GABRA2: variants seen among roughly 807,000 people sequenced by gnomAD.
GABRA2 encodes the protein gamma-aminobutyric acid type A receptor subunit alpha2, also known as gamma-aminobutyric acid receptor subunit alpha-2.
A neutral mutation model predicts 48.7 loss-of-function variants in GABRA2; 16 were observed. That is an observed-to-expected ratio of 0.33 (90% CI 0.22 to 0.50). GABRA2 has a LOEUF of 0.50. GABRA2 is among the 20% of genes least tolerant of loss of function. The pLI, the probability that GABRA2 is intolerant of heterozygous loss-of-function variation, is 0.98. For synonymous variants in GABRA2, 185 were observed against 184.5 expected, an observed-to-expected ratio of 1.00 and a Z score of -0.02; for missense variants, 275 against 535.6, an observed-to-expected ratio of 0.51 and a Z score of 4.80.
At chr4:46,288,687 T>C (rs918074336) in intron 8 of GABRA2, among the ~76,000 whole-genome samples, 7 of 152,060 alleles carry the variant, frequency 4.6e-5, no homozygotes, top group Admixed American at 1.3e-4. Flanking sequence ...ATAAAAGCAA[T>C]TGCAACAAAA....
intron 4 of GABRA2, among the ~76,000 whole-genome samples, chr4:46,320,554 C>A (rs1360253225): frequency 1.3e-5 from 2 of 151,730 alleles, no homozygotes; most frequent in East Asian, 1.9e-4. Context: ...AGATTAATAT[C>A]CAAAATACAT....
chr4:46,389,034 G>A (rs200783194), intron 1 of GABRA2: 21 of 1,114,428 alleles, frequency 1.9e-5, no homozygotes, highest in East Asian at 1.6e-4. Context: ...ACTGTTTTGC[G>A]CACACGTAAT....
rs146162693 is a variant in GABRA2, at chr4:46,250,733, T to G, written c.1060-129A>C. The G allele has an allele frequency of 7.0e-3, 4,551 of 651,904 alleles. 43 individuals carry two copies. Among genetic ancestry groups the G allele is most frequent in the South Asian group, 0.024 (1,032 of 42,674 alleles). 40.4% of individuals were successfully genotyped at this position (651,904 alleles called of 1,614,324 possible). On this transcript the variant is annotated intron_variant, in intron 9 of 9. Transcript: ENST00000381620. ...ATCATGCATTAGCAAAAAACAGAAA[T>G]TAGGAAAATAAATAAAGGTGTTTAT... is the stretch of plus-strand genomic sequence containing the variant.
intron 4 of GABRA2, among the ~76,000 whole-genome samples, chr4:46,323,289 C>G (rs985247424): frequency 2.0e-5 from 3 of 151,936 alleles, no homozygotes; most frequent in East Asian, 3.9e-4. Context: ...ATTCTAGGCT[C>G]CAGTTATACT....
At chr4:46,278,534 C>T (rs1217347541) in intron 8 of GABRA2, among the ~76,000 whole-genome samples, 1 of 152,080 alleles carries the variant, frequency 6.6e-6, no homozygotes, top group Non-Finnish European at 1.5e-5. Context: ...ATATTGCTTG[C>T]TTCAGATCAT....
At position 46,246,433 on chromosome 4, in the gene GABRA2, A is replaced by G. The variant is rs946891497; in HGVS notation, c.*3875T>C. ...TACAAGTGGTTTTGGTATAGTGTCC[A>G]TGTTTCTCAAGCATGCAGATGTCAA... On this transcript the variant is annotated 3_prime_UTR_variant, in exon 10 of 10. Coordinates refer to ENST00000381620, the MANE Select transcript of GABRA2 (RefSeq NM_000807.4). Among the ~76,000 whole-genome samples the G allele has an allele frequency of 4.0e-5, 6 of 151,138 alleles. No individual in the cohort carries two copies. In the East Asian group the frequency reaches 1.2e-3, roughly 30 times the overall value.
chr4:46,315,964 CAT>C (rs1553913095), intron 4 of GABRA2, among the ~76,000 whole-genome samples: 36 of 150,596 alleles, frequency 2.4e-4, no homozygotes, highest in South Asian at 1.9e-3. Context: ...CACACACACA[CAT>C]ATATATATAG....
intron 8 of GABRA2, among the ~76,000 whole-genome samples, chr4:46,290,128 T>C (rs1723346427): frequency 6.6e-6 from 1 of 150,986 alleles, no homozygotes; most frequent in Admixed American, 6.6e-5. Context: ...ATGGTCTTGA[T>C]CTCCTGACCT....
In GABRA2 at chr4:46,285,767, G is replaced by GTT. The variant is rs574335219; in HGVS notation, c.856+17691_856+17692dup. 1.2e-3 allele frequency among the ~76,000 whole-genome samples: 180 copies of GTT among 149,244 alleles called. 4 individuals are homozygous for GTT. The South Asian group carries it at 0.036, about 30-fold the overall frequency. On this transcript the variant is annotated intron_variant, in intron 8 of 9. Transcript: ENST00000381620. ...TGTGCTCTGAAAATCATGAAATCTT[G>GTT]TTTTTTTTTAAGTCATCTGCATAAA...
At chr4:46,332,123 G>A (rs1369363630) in intron 4 of GABRA2, among the ~76,000 whole-genome samples, 2 of 152,062 alleles carry the variant, frequency 1.3e-5, no homozygotes, top group Non-Finnish European at 2.9e-5. Context: ...CCTACTATGT[G>A]TGCAGATTAT....
At chr4:46,315,899 G>T (rs1333771082) in intron 4 of GABRA2, among the ~76,000 whole-genome samples, 1 of 150,848 alleles carries the variant, frequency 6.6e-6, no homozygotes, top group African/African-American at 2.4e-5. Context: ...TGAGTTTAGT[G>T]TACACCCTTC....
At chr4:46,337,098 G>A (rs535849725) in intron 3 of GABRA2, among the ~76,000 whole-genome samples, 2 of 151,996 alleles carry the variant, frequency 1.3e-5, no homozygotes, top group Admixed American at 6.6e-5. Flanking sequence ...GATAAAAAGT[G>A]AGTAAAGAAA....
At chr4:46,322,118 A>G (rs1011055301) in intron 4 of GABRA2, among the ~76,000 whole-genome samples, 5 of 152,006 alleles carry the variant, frequency 3.3e-5, no homozygotes, top group African/African-American at 1.2e-4. Context: ...TTTGAAAAAC[A>G]CAGAAAAAGA....
chr4:46,304,869 G>A (rs529495917), intron 7 of GABRA2, among the ~76,000 whole-genome samples: 2 of 138,938 alleles, frequency 1.4e-5, no homozygotes, highest in Admixed American at 8.1e-5. Context: ...AGGTTGCAGT[G>A]AGCCCAGATC....
intron 3 of GABRA2, among the ~76,000 whole-genome samples, chr4:46,333,537 C>A (rs550312376): frequency 5.3e-5 from 8 of 152,132 alleles, no homozygotes; most frequent in Admixed American, 3.3e-4. Context: ...TAATTCTACA[C>A]AAACAATAAC....
intron 3 of GABRA2, chr4:46,363,930 T>C (rs1713625645): frequency 6.6e-6 from 1 of 152,190 alleles, no homozygotes; most frequent in South Asian, 2.1e-4. Flanking sequence ...TACACTTACA[T>C]GTAATTGATT....
chr4:46,305,199 T>C (rs1726453231), intron 7 of GABRA2, among the ~76,000 whole-genome samples: 1 of 126,648 alleles, frequency 7.9e-6, no homozygotes, highest in Non-Finnish European at 1.6e-5. Context: ...CACTCATAGG[T>C]GGGAATTGAA....
chr4:46,332,052 A>G (rs971310266), intron 4 of GABRA2, among the ~76,000 whole-genome samples: 1 of 152,086 alleles, frequency 6.6e-6, no homozygotes. Context: ...AATAAATAAT[A>G]CCAGTTCCAT....
chr4:46,332,192 A>G (rs279826), intron 4 of GABRA2, among the ~76,000 whole-genome samples: 70,230 of 151,924 alleles, frequency 0.46, 16,401 homozygotes, highest in East Asian at 0.57. Flanking sequence ...ATACCAATCA[A>G]AGGGTTTTTT....
Sources: allele counts gnomAD v4.1 joint callset (sites outside exome capture counted in the v4.1 genomes callset), GRCh38; gene constraint gnomAD v4.1.1; transcripts MANE v1.5; gene names NCBI Gene and HGNC (gene_info 2026-07-23, HGNC 2026-07-21).